PAG1: variants seen among roughly 807,000 people sequenced by gnomAD.
PAG1 encodes phosphoprotein associated with glycosphingolipid-enriched microdomains 1.
PAG1 carries 23 observed loss-of-function variants against 31.7 expected under a neutral mutation model. That is an observed-to-expected ratio of 0.73 (90% CI 0.52 to 1.03). PAG1 has a LOEUF of 1.03. PAG1 is among the 50% of genes least tolerant of loss of function. The pLI, the probability that PAG1 is intolerant of heterozygous loss-of-function variation, is 0.00. For missense variants in PAG1, 473 were observed against 540.7 expected (o/e 0.87, Z 1.24); for synonymous variants, 214 against 210.3 (o/e 1.02, Z -0.15).
At chr8:81,038,341 C>T (rs1485174957) in intron 2 of PAG1, among the ~76,000 whole-genome samples, 1 of 152,098 alleles carries the variant, frequency 6.6e-6, no homozygotes, top group Admixed American at 6.6e-5. Context: ...GGGTAACTTC[C>T]CAGCCACAGA....
At chr8:81,109,098 G>T (rs1382714843) in intron 1 of PAG1, among the ~76,000 whole-genome samples, 1 of 152,126 alleles carries the variant, frequency 6.6e-6, no homozygotes. Flanking sequence ...TTGACTCTCT[G>T]AATGCATGAA....
At chr8:81,081,352 T>A (rs1809263576) in intron 1 of PAG1, among the ~76,000 whole-genome samples, 1 of 152,180 alleles carries the variant, frequency 6.6e-6, no homozygotes, top group Admixed American at 6.5e-5. Flanking sequence ...AGTTATTTTT[T>A]AAATTAAATT....
chr8:80,979,177 C>T (rs956748320), intron 8 of PAG1, among the ~76,000 whole-genome samples: 1 of 152,182 alleles, frequency 6.6e-6, no homozygotes, highest in Non-Finnish European at 1.5e-5. Context: ...TCAAAAAATA[C>T]AAACAAATGT....
At chr8:81,100,823 T>C (rs1351597844) in intron 1 of PAG1, among the ~76,000 whole-genome samples, 1 of 152,222 alleles carries the variant, frequency 6.6e-6, no homozygotes, top group Non-Finnish European at 1.5e-5. Flanking sequence ...CAAAAGCTAA[T>C]TCTAATATAA....
At chr8:81,042,651 G>C (rs571620721) in intron 2 of PAG1, among the ~76,000 whole-genome samples, 98 of 152,150 alleles carry the variant, frequency 6.4e-4, no homozygotes, top group African/African-American at 2.2e-3. Context: ...AAAGAGAAAG[G>C]GGGGTGAGGA....
intron 1 of PAG1, among the ~76,000 whole-genome samples, chr8:81,101,205 G>A (rs1186650562): frequency 1.3e-5 from 2 of 152,156 alleles, no homozygotes; most frequent in Admixed American, 1.3e-4. Flanking sequence ...CTAAAAAGCT[G>A]TTATCCATAT....
chr8:81,070,726 T>C (rs1180202492), intron 1 of PAG1, among the ~76,000 whole-genome samples: 3 of 152,156 alleles, frequency 2.0e-5, no homozygotes, highest in Non-Finnish European at 2.9e-5. Flanking sequence ...TATTATTTAA[T>C]GTCTTCATCT....
intron 1 of PAG1, among the ~76,000 whole-genome samples, chr8:81,081,540 T>C (rs1809266623): frequency 6.6e-6 from 1 of 152,112 alleles, no homozygotes; most frequent in South Asian, 2.1e-4. Context: ...CACCAAGTAT[T>C]ACTCATGTTG....
At chr8:81,078,827 T>C (rs1032466475) in intron 1 of PAG1, among the ~76,000 whole-genome samples, 14 of 152,186 alleles carry the variant, frequency 9.2e-5, no homozygotes, top group African/African-American at 3.4e-4. Flanking sequence ...CATTCAGAGA[T>C]AACTTATTTG....
At chr8:81,061,194 A>G (rs1024338329) in intron 2 of PAG1, among the ~76,000 whole-genome samples, 1 of 152,202 alleles carries the variant, frequency 6.6e-6, no homozygotes, top group African/African-American at 2.4e-5. Context: ...TTATAGCATT[A>G]CTCACGGGGG....
At position 80,968,741 on chromosome 8, in the gene PAG1, C is replaced by G. The variant is rs1168928767; in HGVS notation, c.*7803G>C. 6.6e-6 allele frequency: 1 copy of G among 152,154 alleles called. No individual in the cohort carries two copies. Among genetic ancestry groups the G allele is most frequent in the Non-Finnish European group, 1.5e-5 (1 of 68,032 alleles). The allele number at this position is 152,154 out of a possible 1,614,324, so 9.4% of individuals were successfully genotyped here. ...AGCTCTAGTAGCCATATTATATTAT[C>G]TACAAACCAGGTTTATTCCTGAGTT... On this transcript the variant is annotated 3_prime_UTR_variant, in exon 9 of 9. Transcript: ENST00000220597.
chr8:81,012,631 T>C (rs962342514), intron 3 of PAG1, among the ~76,000 whole-genome samples: 6 of 152,378 alleles, frequency 3.9e-5, no homozygotes, highest in Admixed American at 2.0e-4. Context: ...GATTCTTCTA[T>C]TATGATTTAT....
chr8:81,037,803 C>T (rs930538769), intron 2 of PAG1, among the ~76,000 whole-genome samples: 3 of 152,194 alleles, frequency 2.0e-5, no homozygotes, highest in African/African-American at 7.2e-5. Context: ...TCTTTATTCA[C>T]CTCTCAATGT....
At chr8:81,019,865 A>G (rs1808132603) in intron 3 of PAG1, among the ~76,000 whole-genome samples, 1 of 152,192 alleles carries the variant, frequency 6.6e-6, no homozygotes, top group South Asian at 2.1e-4. Context: ...GTGCACCTGA[A>G]AAAGTCACAG....
Position 80,976,050 on chromosome 8 carries a change from T to A in PAG1, c.*494A>T, listed in dbSNP as rs1269498827. On this transcript the variant is annotated 3_prime_UTR_variant, in exon 9 of 9. Transcript: ENST00000220597. ...CCTATATTGAGGGCAAAGGCCAAGC[T>A]TTGTGTGAAAATTTCCTTGGGATGA... 1 of 155,104 alleles carries A rather than the reference T, an allele frequency of 6.4e-6. No individual in the cohort carries two copies. The highest frequency in any genetic ancestry group is 1.4e-5 in the Non-Finnish European group (1 of 70,204). 9.6% of individuals were successfully genotyped at this position (155,104 alleles called of 1,614,324 possible).
At chr8:81,096,890 G>A (rs933809837) in intron 1 of PAG1, among the ~76,000 whole-genome samples, 1 of 152,238 alleles carries the variant, frequency 6.6e-6, no homozygotes, top group African/African-American at 2.4e-5. Flanking sequence ...GGCCTAAGGG[G>A]AAGAAGTCAC....
chr8:81,037,354 A>G (rs1294464588), intron 2 of PAG1: 1 of 152,214 alleles, frequency 6.6e-6, no homozygotes, highest in Non-Finnish European at 1.5e-5. Flanking sequence ...TAAGCATGCT[A>G]CCTGGAAAGA....
intron 7 of PAG1, among the ~76,000 whole-genome samples, chr8:80,982,175 T>G (rs1050068024): frequency 3.9e-5 from 6 of 152,160 alleles, no homozygotes; most frequent in Admixed American, 2.6e-4. Flanking sequence ...CTGTCTCACT[T>G]CTTTATAGCA....
intron 3 of PAG1, among the ~76,000 whole-genome samples, chr8:80,995,443 G>T (rs536275926): frequency 6.6e-6 from 1 of 152,324 alleles, no homozygotes; most frequent in Non-Finnish European, 1.5e-5. Context: ...TCTGTGATTT[G>T]TTGATGCAAA....
Sources: gnomAD v4.1 joint callset for allele counts (sites outside exome capture counted in the v4.1 genomes callset) on GRCh38, gnomAD v4.1.1 for gene constraint, MANE v1.5 for transcripts, NCBI Gene and HGNC (gene_info 2026-07-23, HGNC 2026-07-21) for gene names.